Variants in SPIDR observed in about 807,000 individuals in gnomAD.
SPIDR encodes the protein DNA repair-scaffolding protein.
Under a neutral mutation model 104.6 loss-of-function variants are expected in SPIDR, and 93 were observed. The ratio of observed to expected loss-of-function variants is 0.89; its 90% CI spans 0.75 to 1.06. SPIDR has a LOEUF of 1.06. Among genes scored for constraint, SPIDR ranks in the 50% least tolerant of loss-of-function variants. The probability of loss-of-function intolerance (pLI) is 0.00; values close to 1 mark genes in which losing one functional copy is unlikely to be tolerated. For synonymous variants in SPIDR, 431 were observed against 416.9 expected (o/e 1.03, Z -0.41); for missense variants, 1,154 against 1,111.2 (o/e 1.04, Z -0.55).
chr8:47,510,397 A>T (rs1264601733), intron 8 of SPIDR, among the ~76,000 whole-genome samples: 1 of 152,248 alleles, frequency 6.6e-6, no homozygotes, highest in Non-Finnish European at 1.5e-5. Flanking sequence ...TTGCATACTT[A>T]ATCTAGATGT....
intron 4 of SPIDR, among the ~76,000 whole-genome samples, chr8:47,292,752 C>T (rs1486591728): frequency 6.6e-6 from 1 of 151,954 alleles, no homozygotes; most frequent in African/African-American, 2.4e-5. Context: ...CATCACATTG[C>T]AATATGTATT....
chr8:47,564,328 C>CAGCA (rs1249632251), intron 8 of SPIDR, among the ~76,000 whole-genome samples: 2 of 152,026 alleles, frequency 1.3e-5, no homozygotes, highest in Non-Finnish European at 2.9e-5. Context: ...CTGCCCGGCT[C>CAGCA]AGCCTCCCAA....
chr8:47,608,631 A>C (rs1203655019), intron 10 of SPIDR, among the ~76,000 whole-genome samples: 1 of 152,178 alleles, frequency 6.6e-6, no homozygotes, highest in African/African-American at 2.4e-5. Context: ...TGTCTTTCTT[A>C]TTGTAGCCAT....
intron 8 of SPIDR, among the ~76,000 whole-genome samples, chr8:47,509,363 A>G (rs192884576): frequency 2.6e-5 from 4 of 152,160 alleles, no homozygotes; most frequent in Non-Finnish European, 4.4e-5. Flanking sequence ...AGCAGGAGAC[A>G]TGGTAGATCC....
chr8:47,540,742 C>T (rs1023454135), intron 8 of SPIDR, among the ~76,000 whole-genome samples: 6 of 152,066 alleles, frequency 3.9e-5, no homozygotes, highest in African/African-American at 1.4e-4. Context: ...AGCTTTAAGT[C>T]AGGGCCTGTT....
chr8:47,409,618 C>T (rs1212011615), intron 7 of SPIDR, among the ~76,000 whole-genome samples: 1 of 152,216 alleles, frequency 6.6e-6, no homozygotes, highest in Non-Finnish European at 1.5e-5. Flanking sequence ...GAGTTGATCT[C>T]CCCGTTCCCA....
At chr8:47,503,385 ATG>A (rs2080880398) in intron 8 of SPIDR, among the ~76,000 whole-genome samples, 2 of 152,230 alleles carry the variant, frequency 1.3e-5, no homozygotes, top group South Asian at 4.2e-4. Context: ...CTTTACCATT[ATG>A]TAATGGCCTT....
intron 10 of SPIDR, among the ~76,000 whole-genome samples, chr8:47,645,457 G>A (rs2070157998): frequency 6.6e-6 from 1 of 152,118 alleles, no homozygotes; most frequent in African/African-American, 2.4e-5. Context: ...AGACCTCTAA[G>A]ACACCAAGCT....
chr8:47,260,947 G>C lies in SPIDR; in HGVS notation c.-12G>C. 8.1e-7 allele frequency: 1 copy of C among 1,228,744 alleles called. No homozygotes were observed. Among genetic ancestry groups the C allele is most frequent in the South Asian group, 3.9e-5 (1 of 25,706 alleles). 76.1% of individuals were successfully genotyped at this position (1,228,744 alleles called of 1,614,324 possible). ...GCTGAGGAGGCGGTGCGCTCAGGCG[G>C]CGCTCCCGGAGATGCCCCGCGGCAG... On this transcript the variant is annotated 5_prime_UTR_variant, in exon 1 of 20. Coordinates refer to ENST00000297423, the MANE Select transcript of SPIDR (RefSeq NM_001080394.4).
chr8:47,572,370 A>G (rs1587916512), intron 8 of SPIDR, among the ~76,000 whole-genome samples: 1 of 152,088 alleles, frequency 6.6e-6, no homozygotes, highest in African/African-American at 2.4e-5. Flanking sequence ...AAGGTGTAAA[A>G]ACTTGTATGA....
intron 8 of SPIDR, among the ~76,000 whole-genome samples, chr8:47,545,943 A>G (rs567406209): frequency 1.1e-3 from 167 of 152,244 alleles, no homozygotes; most frequent in African/African-American, 3.7e-3. Context: ...TTGATTTTCA[A>G]ATGTTGAACT....
intron 7 of SPIDR, among the ~76,000 whole-genome samples, chr8:47,409,220 A>G (rs1434162679): frequency 1.3e-5 from 2 of 152,162 alleles, no homozygotes; most frequent in African/African-American, 4.8e-5. Context: ...ACTTAGGAAT[A>G]AACTTAATCA....
At chr8:47,678,783 G>A (rs982528360) in intron 11 of SPIDR, among the ~76,000 whole-genome samples, 7 of 152,182 alleles carry the variant, frequency 4.6e-5, no homozygotes, top group Non-Finnish European at 1.0e-4. Flanking sequence ...AGGGGAGGAA[G>A]TGCATTTCAG....
At chr8:47,507,794 A>G (rs1241055662) in intron 8 of SPIDR, among the ~76,000 whole-genome samples, 1 of 152,190 alleles carries the variant, frequency 6.6e-6, no homozygotes, top group Non-Finnish European at 1.5e-5. Flanking sequence ...AGGAGCCAGT[A>G]TTAAGCCAAT....
intron 8 of SPIDR, among the ~76,000 whole-genome samples, chr8:47,537,438 A>C (rs2087111426): frequency 6.6e-6 from 1 of 152,236 alleles, no homozygotes; most frequent in Non-Finnish European, 1.5e-5. Context: ...CCTTAAATGC[A>C]TATTGCTAAG....
intron 10 of SPIDR, among the ~76,000 whole-genome samples, chr8:47,613,068 A>G (rs1335989426): frequency 6.6e-6 from 1 of 152,206 alleles, no homozygotes; most frequent in Admixed American, 6.5e-5. Context: ...CACATTCACA[A>G]TGCTGTACTA....
At chr8:47,278,566 AT>A (rs2037074087) in intron 1 of SPIDR, among the ~76,000 whole-genome samples, 1 of 151,666 alleles carries the variant, frequency 6.6e-6, no homozygotes, top group Non-Finnish European at 1.5e-5. Flanking sequence ...CAGTAATCAC[AT>A]TTGTGGGGCC....
At chr8:47,348,842 C>T (rs2052777052) in intron 5 of SPIDR, among the ~76,000 whole-genome samples, 1 of 152,102 alleles carries the variant, frequency 6.6e-6, no homozygotes, top group Admixed American at 6.6e-5. Flanking sequence ...CCTAGTTAGC[C>T]ATTTGTCTAA....
chr8:47,477,774 A>T (rs1554724531), intron 8 of SPIDR, among the ~76,000 whole-genome samples: 1 of 152,116 alleles, frequency 6.6e-6, no homozygotes, highest in Non-Finnish European at 1.5e-5. Context: ...AGTGCTGAGG[A>T]TGCAGCCATT....
Sources: allele counts gnomAD v4.1 joint callset (sites outside exome capture counted in the v4.1 genomes callset), GRCh38; gene constraint gnomAD v4.1.1; transcripts MANE v1.5; gene names NCBI Gene and HGNC (gene_info 2026-07-23, HGNC 2026-07-21).